The following WDR59 variants were observed in gnomAD, a reference collection of about 807,000 sequenced individuals.
WDR59 encodes WD repeat domain 59.
Under a neutral mutation model 131.2 loss-of-function variants are expected in WDR59, and 100 were observed. The observed-to-expected ratio is 0.76, with a 90% CI of 0.65 to 0.90. The LOEUF (loss-of-function observed/expected upper bound fraction) is 0.90. WDR59 is among the 40% of genes least tolerant of loss of function. The probability of loss-of-function intolerance (pLI) is 0.00; values close to 1 mark genes in which losing one functional copy is unlikely to be tolerated. For missense variants in WDR59, 1,203 were observed against 1,262.2 expected (o/e 0.95, Z 0.71); for synonymous variants, 601 against 466.2 (o/e 1.29, Z -3.72).
At chr16:74,919,217 C>T (rs1327209192) in intron 10 of WDR59, among the ~76,000 whole-genome samples, 1 of 152,174 alleles carries the variant, frequency 6.6e-6, no homozygotes, top group Non-Finnish European at 1.5e-5. Flanking sequence ...GCTGATTCTA[C>T]GCCTTGCCTT....
chr16:74,955,047 G>A (rs188957398), intron 3 of WDR59, among the ~76,000 whole-genome samples: 3 of 152,288 alleles, frequency 2.0e-5, no homozygotes, highest in African/African-American at 7.2e-5. Context: ...TAGAGGTGGT[G>A]GTTATACAAC....
intron 17 of WDR59, among the ~76,000 whole-genome samples, chr16:74,905,364 A>AAACTCCGTCTC (rs1443276236): frequency 7.0e-6 from 1 of 143,750 alleles, no homozygotes; most frequent in Admixed American, 7.0e-5. Flanking sequence ...AACAAGAGCG[A>AAACTCCGTCTC]AACTCCGTCT....
intron 17 of WDR59, among the ~76,000 whole-genome samples, chr16:74,906,977 C>T (rs763832814): frequency 1.7e-4 from 26 of 152,134 alleles, no homozygotes; most frequent in Non-Finnish European, 3.1e-4. Flanking sequence ...AGTGGGAAAA[C>T]ATTCTAATAG....
chr16:74,914,255 C>G (rs148094607), intron 13 of WDR59, among the ~76,000 whole-genome samples: 1 of 151,590 alleles, frequency 6.6e-6, no homozygotes, highest in Non-Finnish European at 1.5e-5. Flanking sequence ...TGAATTATAT[C>G]TCAATAATTT....
chr16:74,899,843 C>T (rs1399551479), intron 18 of WDR59: 2 of 976,754 alleles, frequency 2.0e-6, no homozygotes, highest in East Asian at 1.2e-4. Flanking sequence ...TGAAAGCTTC[C>T]CACACATCCG....
At chr16:74,952,800 T>G (rs1382647137) in intron 3 of WDR59, among the ~76,000 whole-genome samples, 2 of 151,596 alleles carry the variant, frequency 1.3e-5, no homozygotes, top group Non-Finnish European at 2.9e-5. Flanking sequence ...TTAGACTGAT[T>G]GTCATTTTAG....
chr16:74,883,994 G>A (rs1964639478), intron 25 of WDR59, among the ~76,000 whole-genome samples: 1 of 152,190 alleles, frequency 6.6e-6, no homozygotes, highest in South Asian at 2.1e-4. Flanking sequence ...TTCCATCTGG[G>A]AAGCTGGTAC....
At chr16:74,907,227 C>A (rs918041897) in intron 17 of WDR59, among the ~76,000 whole-genome samples, 1 of 152,130 alleles carries the variant, frequency 6.6e-6, no homozygotes, top group African/African-American at 2.4e-5. Flanking sequence ...CTCTCTCTTT[C>A]TTGTTAGCTC....
intron 22 of WDR59, 148 bp downstream of exon 22, chr16:74,888,021 G>A (rs1324027524): frequency 6.6e-6 from 7 of 1,063,560 alleles, no homozygotes; most frequent in Non-Finnish European, 9.2e-6. Context: ...AGGAGGCTGA[G>A]GCACGAGAAT....
At chr16:74,947,061 C>A (rs142162949) in intron 6 of WDR59, among the ~76,000 whole-genome samples, 66 of 152,276 alleles carry the variant, frequency 4.3e-4, no homozygotes, top group African/African-American at 1.6e-3. Flanking sequence ...CCCTAGTAGC[C>A]CCAGTTGAGA....
chr16:74,906,003 T>A (rs1279267513), intron 17 of WDR59, among the ~76,000 whole-genome samples: 1 of 151,660 alleles, frequency 6.6e-6, no homozygotes, highest in Non-Finnish European at 1.5e-5. Context: ...ATCATCAACA[T>A]GGAAATGCAA....
chr16:74,890,280 A>G lies in WDR59; in HGVS notation c.2083-465T>C, dbSNP rs745946736. Among the ~76,000 whole-genome samples, 52 of 152,100 alleles carry G rather than the reference A, an allele frequency of 3.4e-4. 1 individual carries two copies. The highest frequency in any genetic ancestry group is 1.3e-4 in the Non-Finnish European group (9 of 68,016). ...ATCCTCCTGCCTCAGCCTCCCGAGT[A>G]TCTAGGATCACAGGCATGTGCCACC... On this transcript the variant is annotated intron_variant, in intron 20 of 25. Transcript: ENST00000262144.
At chr16:74,897,828 G>A (rs1327659759) in intron 18 of WDR59, among the ~76,000 whole-genome samples, 1 of 152,164 alleles carries the variant, frequency 6.6e-6, no homozygotes, top group African/African-American at 2.4e-5. Context: ...ATAATGTGTT[G>A]GTTAGTGGTT....
At chr16:74,975,800 C>T (rs1239446883) in intron 1 of WDR59, among the ~76,000 whole-genome samples, 2 of 151,958 alleles carry the variant, frequency 1.3e-5, no homozygotes, top group Non-Finnish European at 2.9e-5. Context: ...GCACGAAATC[C>T]TTAACGTCTT....
chr16:74,899,512 G>A (rs994250217), intron 18 of WDR59, among the ~76,000 whole-genome samples: 1 of 152,166 alleles, frequency 6.6e-6, no homozygotes, highest in Non-Finnish European at 1.5e-5. Flanking sequence ...TTGAAACTCT[G>A]TGATTGGACA....
intron 25 of WDR59, among the ~76,000 whole-genome samples, chr16:74,884,028 C>A (rs1195528623): frequency 6.6e-6 from 1 of 152,244 alleles, no homozygotes; most frequent in Non-Finnish European, 1.5e-5. Flanking sequence ...GTTGCTCATG[C>A]TGGAAATCTA....
chr16:74,874,291 C>G lies in WDR59; in HGVS notation c.2843G>C (p.Ser948Thr). 6.2e-7 allele frequency: 1 copy of G among 1,614,098 alleles called. No homozygotes were observed. Among genetic ancestry groups the G allele is most frequent in the Non-Finnish European group, 8.5e-7 (1 of 1,180,036 alleles). Residue 948 changes from serine to threonine, a missense_variant, in exon 26 of 26, where the codon AGC becomes ACC. Physicochemically the swap from Ser to Thr is moderately conservative, Grantham distance 58. Coordinates refer to ENST00000262144, the MANE Select transcript of WDR59 (RefSeq NM_030581.4). ...CLTCGHGGHT[S>T]HMMEWFRTQE... ...GGTCCGAAACCACTCCATCATGTGG[C>G]TGGTGTGGCCACCGTGCCCACAGGT...
chr16:74,976,193 T>C (rs563858009), intron 1 of WDR59, among the ~76,000 whole-genome samples: 6 of 152,288 alleles, frequency 3.9e-5, no homozygotes, highest in Non-Finnish European at 2.9e-5. Flanking sequence ...CTTATAATTT[T>C]GCTCCTAGCC....
intron 25 of WDR59, among the ~76,000 whole-genome samples, chr16:74,878,627 CAGAG>C (rs992603568): frequency 1.3e-5 from 2 of 152,066 alleles, no homozygotes; most frequent in South Asian, 2.1e-4. Context: ...GCCTGGGTGA[CAGAG>C]AGAGACCTTG....
Sources: gnomAD v4.1 joint callset for allele counts (sites outside exome capture counted in the v4.1 genomes callset) on GRCh38, gnomAD v4.1.1 for gene constraint, MANE v1.5 for transcripts, NCBI Gene and HGNC (gene_info 2026-07-23, HGNC 2026-07-21) for gene names.